Variants in PCDHGA4 observed in about 807,000 individuals in gnomAD.
PCDHGA4 encodes the protein protocadherin gamma-A4.
PCDHGA4 carries 38 observed loss-of-function variants against 54.6 expected under a neutral mutation model. The ratio of observed to expected loss-of-function variants is 0.70; its 90% CI spans 0.54 to 0.91. The LOEUF (loss-of-function observed/expected upper bound fraction) is 0.91, where lower values mean the gene tolerates loss of function less well. Among genes scored for constraint, PCDHGA4 ranks in the 40% least tolerant of loss-of-function variants. The pLI, the probability that PCDHGA4 is intolerant of heterozygous loss-of-function variation, is 0.00. For synonymous variants in PCDHGA4, 511 were observed against 512.9 expected, an observed-to-expected ratio of 1.00 and a Z score of 0.05; for missense variants, 1,298 against 1,220.9, an observed-to-expected ratio of 1.06 and a Z score of -0.94.
chr5:141,389,264 C>T, intron 1 of PCDHGA4: 1 of 1,614,018 alleles, frequency 6.2e-7, no homozygotes, highest in South Asian at 1.1e-5. Flanking sequence ...TCCACGTGGC[C>T]GAGAACAACC....
intron 1 of PCDHGA4, among the ~76,000 whole-genome samples, chr5:141,379,887 CTCTTTTTTTTTTT>C (rs1775930082): frequency 1.2e-5 from 1 of 84,268 alleles, no homozygotes; most frequent in African/African-American, 5.0e-5. Context: ...CTGTGAAAGC[CTCTTTTTTTTTTT>C]TTTTTTTTTT....
At chr5:141,393,845 AC>A in intron 1 of PCDHGA4, 1 of 1,613,966 alleles carries the variant, frequency 6.2e-7, no homozygotes, top group South Asian at 1.1e-5. Flanking sequence ...ATGACAATAG[AC>A]CAGAAGTGAT....
At chr5:141,430,834 G>T (rs1317415848) in intron 1 of PCDHGA4, 1 of 1,557,712 alleles carries the variant, frequency 6.4e-7, no homozygotes, top group Non-Finnish European at 8.7e-7. Context: ...CTCTGTGGGA[G>T]ACCGGATGCA....
chr5:141,409,546 C>T lies in PCDHGA4; in HGVS notation c.2514+51925C>T, dbSNP rs775680397. 19 of 1,613,880 alleles carry T rather than the reference C, an allele frequency of 1.2e-5. No individual in the cohort carries two copies. The South Asian group carries it at 2.0e-4, about 17-fold the overall frequency. ...TGTATGTCGCTGACATCAACGACAA[C>T]GCCCCAGTTTTCGACCAGACGTCCT... On this transcript the variant is annotated intron_variant, in intron 1 of 3. Coordinates refer to ENST00000571252, the MANE Select transcript of PCDHGA4 (RefSeq NM_018917.4).
Position 141,476,745 on chromosome 5 carries a change from T to C in PCDHGA4, c.2515-18062T>C, listed in dbSNP as rs1372622323. 6.2e-7 allele frequency: 1 copy of C among 1,613,958 alleles called. No individual in the cohort carries two copies. On this transcript the variant is annotated intron_variant, in intron 1 of 3. Coordinates refer to ENST00000571252, the MANE Select transcript of PCDHGA4 (RefSeq NM_018917.4). This position sits in a 1 kb window ranked among gnomAD's most constrained non-coding sequence, Gnocchi z 7.6. The stretch of plus-strand genomic sequence containing the variant: ...CTGGACCGAGAACGGGAGCCTAGTC[T>C]CCAGTTAGTGCTGACGGCGTTGGAC...
chr5:141,404,685 C>T (rs554522683), intron 1 of PCDHGA4: 1 of 1,614,010 alleles, frequency 6.2e-7, no homozygotes, highest in South Asian at 1.1e-5. Flanking sequence ...GTGGAGCTGG[C>T]ACCCCGCTCT....
At chr5:141,421,619 C>T (rs778666303) in intron 1 of PCDHGA4, 2 of 1,613,694 alleles carry the variant, frequency 1.2e-6, no homozygotes, top group South Asian at 1.1e-5. Flanking sequence ...AATGATAACG[C>T]CCCCAGCTTC....
intron 1 of PCDHGA4, chr5:141,426,860 A>T (rs771106873): frequency 2.6e-5 from 12 of 456,702 alleles, no homozygotes; most frequent in Admixed American, 2.3e-4. Flanking sequence ...CTCCAGAATT[A>T]GTGCTGGAGA....
intron 1 of PCDHGA4, chr5:141,372,919 A>G (rs1404152823): frequency 2.0e-6 from 2 of 1,017,920 alleles, no homozygotes; most frequent in Non-Finnish European, 2.8e-6. Flanking sequence ...TATTTTATTG[A>G]TTTTCTGGTG....
intron 1 of PCDHGA4, among the ~76,000 whole-genome samples, chr5:141,484,021 G>A (rs892390865): frequency 2.6e-5 from 4 of 151,080 alleles, no homozygotes; most frequent in African/African-American, 9.7e-5. Context: ...GGGGTGGGGT[G>A]AGATCAAGTC....
At chr5:141,376,556 A>G in intron 1 of PCDHGA4, 1 of 1,611,100 alleles carries the variant, frequency 6.2e-7, no homozygotes, top group Non-Finnish European at 8.5e-7. Context: ...TCTTCCCGCA[A>G]CCCAACTAAT....
chr5:141,422,467 G>A (rs1380910490), intron 1 of PCDHGA4: 1 of 1,613,664 alleles, frequency 6.2e-7, no homozygotes, highest in Non-Finnish European at 8.5e-7. Context: ...GCTGGACAGG[G>A]AGTTGGTCCA....
At position 141,476,326 on chromosome 5, in the gene PCDHGA4, T is replaced by A. The variant is rs752845438; in HGVS notation, c.2515-18481T>A. Reference sequence around the variant, plus strand: ...CAGCCCGCAGGTTCCGGGTGGTGTCTGGAGCTAGCCGAAGATTCTTTGAGG... The same window carrying A: ...CAGCCCGCAGGTTCCGGGTGGTGTCAGGAGCTAGCCGAAGATTCTTTGAGG... On this transcript the variant is annotated intron_variant, in intron 1 of 3. Coordinates refer to ENST00000571252, the MANE Select transcript of PCDHGA4 (RefSeq NM_018917.4). This position sits in a 1 kb window ranked among gnomAD's most constrained non-coding sequence, Gnocchi z 7.6. The A allele has an allele frequency of 6.2e-7, 1 of 1,614,120 alleles. No individual in the cohort carries two copies. Among genetic ancestry groups the A allele is most frequent in the Non-Finnish European group, 8.5e-7 (1 of 1,180,034 alleles).
intron 1 of PCDHGA4, among the ~76,000 whole-genome samples, chr5:141,472,994 A>AAAAG (rs1425445230): frequency 1.3e-5 from 2 of 151,692 alleles, no homozygotes; most frequent in Non-Finnish European, 2.9e-5. Context: ...AAAAAAAAAA[A>AAAAG]AAAGAAAGAA....
intron 1 of PCDHGA4, among the ~76,000 whole-genome samples, chr5:141,381,922 C>A (rs1777762962): frequency 6.9e-6 from 1 of 145,556 alleles, no homozygotes. Context: ...CTCCACCTCC[C>A]GGGTTCAAGC....
Position 141,487,552 on chromosome 5 carries a change from A to C in PCDHGA4, c.2515-7255A>C. On this transcript the variant is annotated intron_variant, in intron 1 of 3. Coordinates refer to ENST00000571252, the MANE Select transcript of PCDHGA4 (RefSeq NM_018917.4). The surrounding 1 kb of genome is among the most constrained non-coding windows in gnomAD (Gnocchi z 5.0). ...TCATGATGGTGAAGTCACCCAGTGC[A>C]CCTATGGCAGGGGAGCCTGTTCGCC... is the stretch of plus-strand genomic sequence containing the variant. 2 of 1,614,116 alleles carry C rather than the reference A, an allele frequency of 1.2e-6. No homozygotes were observed. The highest frequency in any genetic ancestry group is 1.7e-6 in the Non-Finnish European group (2 of 1,180,024).
Position 141,357,103 on chromosome 5 carries a change from A to G in PCDHGA4, c.1996A>G (p.Arg666Gly). Residue 666 changes from arginine (R) to glycine (G), a missense_variant, in exon 1 of 4, where the codon AGA becomes GGA. By Grantham distance (125) the Arg-to-Gly change is moderately radical. Coordinates refer to ENST00000571252, the MANE Select transcript of PCDHGA4 (RefSeq NM_018917.4). Reference protein sequence around the residue: ...EVRTARALLDRDALKQRLVVV... With the variant: ...EVRTARALLDGDALKQRLVVV... ...GCGCACCGCACGGGCCCTGCTGGAC[A>G]GAGACGCGCTCAAGCAGAGGCTTGT... 6.2e-7 allele frequency: 1 copy of G among 1,613,860 alleles called. No homozygotes were observed. Among genetic ancestry groups the G allele is most frequent in the Non-Finnish European group, 8.5e-7 (1 of 1,179,936 alleles).
chr5:141,355,167 A>G lies in PCDHGA4; in HGVS notation c.60A>G (p.Lys20=), dbSNP rs755561054. Residue 20 remains lysine (K), a synonymous_variant, in exon 1 of 4, where the codon AAA becomes AAG. Transcript: ENST00000571252. ...PGAPQASTEG[K]PKHRRLRGGV... is the part of the protein sequence containing the mutation. ...CTCCTCAGGCCTCGACAGAGGGAAA[A>G]CCGAAGCACAGGCGACTCCGCGGCG... The G allele has an allele frequency of 1.7e-5, 27 of 1,565,180 alleles. No individual in the cohort carries two copies. The Admixed American group carries it at 3.7e-4, about 22-fold the overall frequency.
At chr5:141,364,618 C>T (rs373148081) in intron 1 of PCDHGA4, 2 of 1,614,140 alleles carry the variant, frequency 1.2e-6, no homozygotes, top group African/African-American at 2.7e-5. Flanking sequence ...AGGAGCTCTG[C>T]GCTCAGAGCC....
Sources: allele counts gnomAD v4.1 joint callset (sites outside exome capture counted in the v4.1 genomes callset), GRCh38; gene constraint gnomAD v4.1.1; non-coding constraint Gnocchi (gnomAD v3.1); transcripts MANE v1.5; gene names NCBI Gene and HGNC (gene_info 2026-07-23, HGNC 2026-07-21).